The following A2ML1 variants were observed in gnomAD, a reference collection of about 807,000 sequenced individuals.
The protein encoded by A2ML1 is alpha-2-macroglobulin like 1, also known as alpha-2-macroglobulin-like protein 1.
In A2ML1, 161 loss-of-function variants were observed where a neutral mutation model predicts 181.9. The ratio of observed to expected loss-of-function variants is 0.89; its 90% CI spans 0.78 to 1.01. The LOEUF (loss-of-function observed/expected upper bound fraction) is 1.01, where lower values mean the gene tolerates loss of function less well. Among genes scored for constraint, A2ML1 ranks in the 50% least tolerant of loss-of-function variants. The pLI is 0.00. For synonymous variants in A2ML1, 663 were observed against 666.8 expected (o/e 0.99, Z 0.09); for missense variants, 1,670 against 1,768.1 (o/e 0.94, Z 1.00).
intron 7 of A2ML1, among the ~76,000 whole-genome samples, chr12:8,884,608 C>G (rs1229801596): frequency 6.6e-6 from 1 of 152,210 alleles, no homozygotes; most frequent in African/African-American, 2.4e-5. Context: ...GCGATCTTGG[C>G]TCACTGCAAC....
downstream of A2ML1, among the ~76,000 whole-genome samples, chr12:8,887,368 C>T (rs1039225149): frequency 6.6e-6 from 1 of 152,274 alleles, no homozygotes; most frequent in East Asian, 1.9e-4. Flanking sequence ...ATCTCTCCCC[C>T]ACATATTTTG....
At chr12:8,886,785 C>T (rs1233369044) in exon 8 of A2ML1, 1 of 152,148 alleles carries the variant, frequency 6.6e-6, no homozygotes, top group East Asian at 1.9e-4. Context: ...CTGCATTTCA[C>T]CTTGATTACC....
rs1944796139 is a variant in A2ML1, at chr12:8,876,243, T to G, written c.*187T>G. The stretch of plus-strand genomic sequence containing the variant: ...CTACTACCTTTGCAAGGAGATGGGA[T>G]AGGAACAATCACTCAGAGGAGGCGT... On this transcript the variant is annotated 3_prime_UTR_variant, in exon 36 of 36. Coordinates refer to ENST00000299698, the MANE Select transcript of A2ML1 (RefSeq NM_144670.6). The G allele has an allele frequency of 6.6e-6, 1 of 152,228 alleles. No individual in the cohort carries two copies. Among genetic ancestry groups the G allele is most frequent in the Non-Finnish European group, 1.5e-5 (1 of 68,062 alleles). 9.4% of individuals were successfully genotyped at this position (152,228 alleles called of 1,614,324 possible).
chr12:8,867,795 C>T (rs1944468979), intron 29 of A2ML1, 47 bp from the exon 30 acceptor site: 1 of 1,554,180 alleles, frequency 6.4e-7, no homozygotes, highest in African/African-American at 1.4e-5. Context: ...AAGGTTAATT[C>T]CAATGGCTCA....
chr12:8,869,307 C>A, intron 33 of A2ML1, 104 bp downstream of exon 33: 1 of 1,168,420 alleles, frequency 8.6e-7, no homozygotes, highest in Non-Finnish European at 1.3e-6. Context: ...GGATGAGGGG[C>A]CTGGGAGTGA....
intron 3 of A2ML1, among the ~76,000 whole-genome samples, chr12:8,826,614 ATTTTTG>A (rs1294290706): frequency 6.6e-6 from 1 of 151,752 alleles, no homozygotes; most frequent in African/African-American, 2.4e-5. Flanking sequence ...TGCCCAGCTA[ATTTTTG>A]TTTTTGTTTT....
chr12:8,841,329 C>A (rs1362438236), intron 10 of A2ML1, 40 bp from the exon 11 acceptor site: 4 of 1,593,064 alleles, frequency 2.5e-6, no homozygotes, highest in Non-Finnish European at 8.6e-7. Flanking sequence ...CAAGCTTACT[C>A]CAAACCTAAT....
At chr12:8,872,783 CAAAAAAA>C (rs570693086) in intron 33 of A2ML1, among the ~76,000 whole-genome samples, 1 of 68,700 alleles carries the variant, frequency 1.5e-5, no homozygotes, top group African/African-American at 4.7e-5. Context: ...GACTCCATCT[CAAAAAAA>C]AAAAAAAAGA....
intron 5 of A2ML1, 62 bp from the exon 6 acceptor site, chr12:8,835,445 T>C: frequency 1.9e-6 from 3 of 1,600,146 alleles, no homozygotes; most frequent in Non-Finnish European, 2.6e-6. Context: ...TTTACCTGCT[T>C]TTTGCAATGC....
Position 8,823,851 on chromosome 12 carries a change from T to G in A2ML1, c.378T>G (p.Thr126=). The change falls in exon 3 of 36, where the codon ACT becomes ACG. Residue 126 remains threonine, a synonymous_variant. Coordinates refer to ENST00000299698, the MANE Select transcript of A2ML1 (RefSeq NM_144670.6). The part of the protein sequence containing the change: ...QRQGNGTFVQ[T]DKPLYTPGQQ... ...AGGGGAACGGCACCTTTGTACAGAC[T>G]GACAAACCTCTCTACACCCCAGGGC... The G allele has an allele frequency of 6.2e-7, 1 of 1,613,696 alleles. No homozygotes were observed.
At chr12:8,870,493 T>G (rs1207010221) in intron 33 of A2ML1, among the ~76,000 whole-genome samples, 1 of 152,172 alleles carries the variant, frequency 6.6e-6, no homozygotes, top group Non-Finnish European at 1.5e-5. Flanking sequence ...GGTCTCGATC[T>G]CCTGACCTCG....
rs1943926926 is a variant in A2ML1 at position 8,852,469 on chromosome 12, G to C, written c.2590+133G>C. The C allele has an allele frequency of 7.5e-7, 1 of 1,332,000 alleles. No individual in the cohort carries two copies. The highest frequency in any genetic ancestry group is 1.0e-6 in the Non-Finnish European group (1 of 969,050). The allele number at this position is 1,332,000 out of a possible 1,614,324, so 82.5% of individuals were successfully genotyped here. On this transcript the variant is annotated intron_variant, in intron 20 of 35. Coordinates refer to ENST00000299698, the MANE Select transcript of A2ML1 (RefSeq NM_144670.6). This position sits in a 1 kb window ranked among gnomAD's most constrained non-coding sequence, Gnocchi z 4.2. ...TTCCACTATTTTTCTCCCTCCTAAG[G>C]CTGTTATAAGTCAATACACAAACAC...
chr12:8,862,564 T>A (rs1376750390), intron 28 of A2ML1, among the ~76,000 whole-genome samples: 1 of 152,212 alleles, frequency 6.6e-6, no homozygotes, highest in Non-Finnish European at 1.5e-5. Context: ...AATAAAATTT[T>A]AATGCATTTC....
intron 3 of A2ML1, 123 bp downstream of exon 3, chr12:8,824,005 T>C: frequency 8.9e-7 from 1 of 1,123,444 alleles, no homozygotes; most frequent in Non-Finnish European, 1.2e-6. Flanking sequence ...GAGAGGAAAA[T>C]CTGGGGGGAT....
At chr12:8,855,618 A>G (rs367606757) in intron 23 of A2ML1, 26 bp downstream of exon 23, 56 of 1,612,478 alleles carry the variant, frequency 3.5e-5, no homozygotes, top group Admixed American at 5.0e-5. Context: ...TTCTTGACTC[A>G]GAAAGGAAAA....
At chr12:8,872,187 GAAA>G (rs35410077) in intron 33 of A2ML1, among the ~76,000 whole-genome samples, 4 of 128,552 alleles carry the variant, frequency 3.1e-5, no homozygotes, top group African/African-American at 1.1e-4. Context: ...TCAGAAAAAA[GAAA>G]AAAAAAAAAA....
At chr12:8,879,405 T>C (rs7314516), downstream of A2ML1, among the ~76,000 whole-genome samples, 102,167 of 151,482 alleles carry the variant, frequency 0.67, 35,385 homozygotes, top group Non-Finnish European at 0.77. Flanking sequence ...GCAGGAGAAT[T>C]GCTTGAACCC....
chr12:8,847,275 G>C (rs1438721709), intron 14 of A2ML1, among the ~76,000 whole-genome samples: 1 of 149,124 alleles, frequency 6.7e-6, no homozygotes, highest in Non-Finnish European at 1.5e-5. Context: ...GCCATACTGG[G>C]AAGCCACATG....
At position 8,863,817 on chromosome 12, in the gene A2ML1, A is replaced by T. The variant is rs1944349537; in HGVS notation, c.3526A>T (p.Lys1176Ter). 1 of 1,614,132 alleles carries T rather than the reference A, an allele frequency of 6.2e-7. No homozygotes were observed. Among genetic ancestry groups the T allele is most frequent in the African/African-American group, 1.3e-5 (1 of 74,956 alleles). ...AGGAGAATCCATTTACTGGAGCCAG[A>T]AACCTACTCCATCATCGAACGCCAG... ...ISGESIYWSQ[K>*]PTPSSNASPW... The change falls in exon 29 of 36, where the codon AAA becomes TAA. Residue 1176 changes from lysine to a stop codon, truncating the protein, a stop_gained. Transcript: ENST00000299698. LOFTEE classifies it high-confidence loss of function.
Sources: allele counts gnomAD v4.1 joint callset (sites outside exome capture counted in the v4.1 genomes callset), GRCh38; gene constraint gnomAD v4.1.1; non-coding constraint Gnocchi (gnomAD v3.1); transcripts MANE v1.5; gene names NCBI Gene and HGNC (gene_info 2026-07-23, HGNC 2026-07-21).